PRDM5: variants seen among roughly 807,000 people sequenced by gnomAD.
The protein encoded by PRDM5 is PR/SET domain 5, also known as PR domain zinc finger protein 5.
Under a neutral mutation model 81.2 loss-of-function variants are expected in PRDM5, and 56 were observed. That is an observed-to-expected ratio of 0.69 (90% CI 0.56 to 0.86). The LOEUF (loss-of-function observed/expected upper bound fraction) is 0.86. Among genes scored for constraint, PRDM5 ranks in the 40% least tolerant of loss-of-function variants. PRDM5 has a pLI of 0.00. For missense variants in PRDM5, 697 were observed against 770.1 expected (o/e 0.91, Z 1.12); for synonymous variants, 267 against 256.4 (o/e 1.04, Z -0.39).
chr4:120,773,630 G>T (rs1460366595), intron 13 of PRDM5, among the ~76,000 whole-genome samples: 1 of 152,126 alleles, frequency 6.6e-6, no homozygotes, highest in Non-Finnish European at 1.5e-5. Flanking sequence ...GATAATTTTA[G>T]GTTCCACACA....
In PRDM5 at chr4:120,724,602, G is replaced by T. The variant is rs557723009; in HGVS notation, c.1624-14189C>A. ...ATAACAAGCATGCTTTCTGACATATGTGATGGTGGCAAGTGTAATCCATCT... is the reference window on the plus strand; with the variant it reads ...ATAACAAGCATGCTTTCTGACATATTTGATGGTGGCAAGTGTAATCCATCT... On this transcript the variant is annotated intron_variant, in intron 14 of 15. Transcript: ENST00000264808. Among the ~76,000 whole-genome samples, 19 of 152,270 alleles carry T rather than the reference G, an allele frequency of 1.2e-4. 1 individual carries two copies. The South Asian group carries it at 3.9e-3, about 32-fold the overall frequency.
intron 8 of PRDM5, among the ~76,000 whole-genome samples, chr4:120,808,685 G>C (rs550996028): frequency 6.6e-6 from 1 of 152,112 alleles, no homozygotes; most frequent in African/African-American, 2.4e-5. Context: ...TGAGAGGCTC[G>C]GGCTGCACAG....
intron 2 of PRDM5, among the ~76,000 whole-genome samples, chr4:120,858,311 T>C (rs1016937966): frequency 6.6e-6 from 1 of 152,150 alleles, no homozygotes; most frequent in Non-Finnish European, 1.5e-5. Flanking sequence ...TGCCTTGCCT[T>C]CAGTGTTTAA....
chr4:120,717,275 T>C lies in PRDM5; in HGVS notation c.1624-6862A>G, dbSNP rs73845444. 3.9e-3 allele frequency among the ~76,000 whole-genome samples: 600 copies of C among 152,246 alleles called. 8 individuals are homozygous for C. Among genetic ancestry groups the C allele is most frequent in the African/African-American group, 0.014 (565 of 41,562 alleles). On this transcript the variant is annotated intron_variant, in intron 14 of 15. Transcript: ENST00000264808. ...GGGAATCATTACTAAATGGAGGCAA[T>C]GTATTTGTCAGTTAAACTGTGTAAT...
chr4:120,890,527 C>G (rs1763929212), intron 2 of PRDM5, among the ~76,000 whole-genome samples: 1 of 152,192 alleles, frequency 6.6e-6, no homozygotes, highest in South Asian at 2.1e-4. Flanking sequence ...GTTTTTAGTT[C>G]ATTGAGAAAT....
intron 3 of PRDM5, chr4:120,838,880 T>A: frequency 3.7e-6 from 1 of 267,326 alleles, no homozygotes; most frequent in East Asian, 6.8e-5. Flanking sequence ...GGAGACTGCA[T>A]GGAGCGGCAA....
intron 14 of PRDM5, chr4:120,731,632 A>G (rs1740279027): frequency 6.6e-6 from 1 of 152,146 alleles, no homozygotes; most frequent in African/African-American, 2.4e-5. Flanking sequence ...AAGTGTGGTC[A>G]TGTGGAAGTT....
chr4:120,835,397 T>G (rs971813447), intron 3 of PRDM5, among the ~76,000 whole-genome samples: 1 of 152,218 alleles, frequency 6.6e-6, no homozygotes, highest in Non-Finnish European at 1.5e-5. Context: ...TGTGCATGCA[T>G]GTACACACAT....
At chr4:120,920,067 A>G (rs1724698905) in intron 1 of PRDM5, among the ~76,000 whole-genome samples, 1 of 152,082 alleles carries the variant, frequency 6.6e-6, no homozygotes, top group African/African-American at 2.4e-5. Flanking sequence ...AGACACCACC[A>G]CTCTAGGAAG....
intron 2 of PRDM5, among the ~76,000 whole-genome samples, chr4:120,877,597 G>A (rs1762446989): frequency 6.6e-6 from 1 of 152,172 alleles, no homozygotes; most frequent in Non-Finnish European, 1.5e-5. Context: ...CTGAGGCCAG[G>A]AGTTCAAGAC....
chr4:120,822,104 T>C (rs1236209921), intron 3 of PRDM5, among the ~76,000 whole-genome samples: 1 of 152,224 alleles, frequency 6.6e-6, no homozygotes, highest in African/African-American at 2.4e-5. Flanking sequence ...AAGAACCTTC[T>C]TTCCAAGGAA....
At chr4:120,756,040 C>T (rs1405628899) in intron 13 of PRDM5, among the ~76,000 whole-genome samples, 3 of 152,198 alleles carry the variant, frequency 2.0e-5, no homozygotes, top group African/African-American at 7.2e-5. Context: ...CAAAATCAAC[C>T]TTTGCACTAG....
At chr4:120,750,490 C>T (rs912942152) in intron 14 of PRDM5, among the ~76,000 whole-genome samples, 3 of 152,130 alleles carry the variant, frequency 2.0e-5, no homozygotes, top group Non-Finnish European at 2.9e-5. Flanking sequence ...GTCCAGGCCT[C>T]GCATGAAGAA....
At chr4:120,896,463 T>C (rs1764624945) in intron 2 of PRDM5, 1 of 152,172 alleles carries the variant, frequency 6.6e-6, no homozygotes, top group African/African-American at 2.4e-5. Context: ...TTCATTCGCA[T>C]TTCAAGCAGG....
chr4:120,868,009 C>T (rs1369106240), intron 2 of PRDM5, among the ~76,000 whole-genome samples: 1 of 152,192 alleles, frequency 6.6e-6, no homozygotes, highest in Non-Finnish European at 1.5e-5. Flanking sequence ...GGGTATTATG[C>T]TGTTCTGTAT....
chr4:120,873,052 A>T (rs1761997488), intron 2 of PRDM5, among the ~76,000 whole-genome samples: 2 of 152,074 alleles, frequency 1.3e-5, no homozygotes, highest in African/African-American at 4.8e-5. Context: ...CCCAAACTGG[A>T]GTACAGTGGT....
chr4:120,780,907 T>C (rs550281808), intron 12 of PRDM5, among the ~76,000 whole-genome samples: 1 of 152,304 alleles, frequency 6.6e-6, no homozygotes, highest in South Asian at 2.1e-4. Context: ...TCAGCAAAGC[T>C]ATGGGTTATG....
At chr4:120,854,186 A>G (rs1759612349) in intron 2 of PRDM5, among the ~76,000 whole-genome samples, 1 of 152,150 alleles carries the variant, frequency 6.6e-6, no homozygotes, top group African/African-American at 2.4e-5. Context: ...CCTACTCTAC[A>G]TTCAACTGGA....
At chr4:120,802,796 G>A (rs1409893424) in intron 8 of PRDM5, among the ~76,000 whole-genome samples, 1 of 152,194 alleles carries the variant, frequency 6.6e-6, no homozygotes, top group East Asian at 1.9e-4. Flanking sequence ...AAAAATCAGA[G>A]CGCTTCTCCC....
Sources: gnomAD v4.1 joint callset for allele counts (sites outside exome capture counted in the v4.1 genomes callset) on GRCh38, gnomAD v4.1.1 for gene constraint, MANE v1.5 for transcripts, NCBI Gene and HGNC (gene_info 2026-07-23, HGNC 2026-07-21) for gene names.